SPECC1: variants seen among roughly 807,000 people sequenced by gnomAD.
The protein encoded by SPECC1 is sperm antigen with calponin homology and coiled-coil domains 1.
SPECC1 carries 62 observed loss-of-function variants against 104.1 expected under a neutral mutation model. The observed-to-expected ratio is 0.60, with a 90% CI of 0.49 to 0.74. SPECC1 has a LOEUF of 0.74. Ranked by LOEUF, SPECC1 falls within the 30% of genes least tolerant of loss-of-function variation. The probability of loss-of-function intolerance (pLI) is 0.00; values close to 1 mark genes in which losing one functional copy is unlikely to be tolerated. For synonymous variants in SPECC1, 513 were observed against 501.6 expected (o/e 1.02, Z -0.30); for missense variants, 1,306 against 1,310.5 (o/e 1.00, Z 0.05).
At chr17:20,217,714 C>T (rs766181071) in intron 4 of SPECC1, among the ~76,000 whole-genome samples, 4 of 152,226 alleles carry the variant, frequency 2.6e-5, no homozygotes, top group African/African-American at 4.8e-5. Context: ...TTTCAGACAT[C>T]AGCCTTCCAG....
At chr17:20,111,756 A>G in intron 3 of SPECC1, 2 of 727,358 alleles carry the variant, frequency 2.7e-6, no homozygotes, top group Admixed American at 1.8e-5. Context: ...GCGGAAGGAG[A>G]AAAAGGTGGG....
chr17:20,112,505 G>A, intron 3 of SPECC1: 1 of 769,288 alleles, frequency 1.3e-6, no homozygotes, highest in South Asian at 1.4e-5. Context: ...CAGTGGTGCT[G>A]ATCTTTCTCA....
chr17:20,236,858 A>G, intron 7 of SPECC1: 1 of 1,613,850 alleles, frequency 6.2e-7, no homozygotes, highest in Non-Finnish European at 8.5e-7. Flanking sequence ...CTATTTTCAC[A>G]GCTCCCTGGG....
At chr17:20,182,040 C>T (rs2151233244) in intron 3 of SPECC1, among the ~76,000 whole-genome samples, 1 of 151,996 alleles carries the variant, frequency 6.6e-6, no homozygotes, top group Admixed American at 6.6e-5. Context: ...TTAAACTTGG[C>T]ATGTTCTTAA....
intron 1 of SPECC1, among the ~76,000 whole-genome samples, chr17:20,035,099 A>G (rs891573531): frequency 6.6e-6 from 1 of 152,084 alleles, no homozygotes; most frequent in African/African-American, 2.4e-5. Context: ...ATTTGGGCAT[A>G]TTTGTGTGTG....
intron 13 of SPECC1, among the ~76,000 whole-genome samples, chr17:20,298,984 G>GTGTGGGGGT (rs1395919924): frequency 1.3e-5 from 1 of 76,830 alleles, no homozygotes; most frequent in Non-Finnish European, 2.5e-5. Flanking sequence ...TGTAGAGAGA[G>GTGTGGGGGT]AGAGAGAGAG....
chr17:20,300,742 T>C (rs903395454), intron 13 of SPECC1, among the ~76,000 whole-genome samples: 3 of 152,234 alleles, frequency 2.0e-5, no homozygotes, highest in African/African-American at 7.2e-5. Flanking sequence ...GGGGGCAGGC[T>C]GAGGCCATGG....
intron 3 of SPECC1, among the ~76,000 whole-genome samples, chr17:20,130,363 C>T (rs777398870): frequency 5.9e-5 from 9 of 152,044 alleles, no homozygotes; most frequent in African/African-American, 1.4e-4. Context: ...GGCAAGATCC[C>T]GTCTCTACAA....
chr17:20,210,618 G>C (rs2037076867), intron 4 of SPECC1, among the ~76,000 whole-genome samples: 1 of 152,206 alleles, frequency 6.6e-6, no homozygotes, highest in Admixed American at 6.5e-5. Flanking sequence ...ACAAAATTGG[G>C]ATTCTGTTAG....
Position 20,197,779 on chromosome 17 carries a change from T to C in SPECC1, c.284-6554T>C, listed in dbSNP as rs140909503. Among the ~76,000 whole-genome samples, 239 of 152,312 alleles carry C rather than the reference T, an allele frequency of 1.6e-3. 2 individuals carry two copies. Among genetic ancestry groups the C allele is most frequent in the African/African-American group, 5.4e-3 (224 of 41,566 alleles). On this transcript the variant is annotated intron_variant, in intron 3 of 14. Transcript: ENST00000395527. ...TAGCTTGCTGGCTTATCTTGAAAAGTGGGCCTGCAGGTATTCTAAGCCCGT... is the reference window on the plus strand; with the variant it reads ...TAGCTTGCTGGCTTATCTTGAAAAGCGGGCCTGCAGGTATTCTAAGCCCGT...
intron 11 of SPECC1, among the ~76,000 whole-genome samples, chr17:20,259,759 C>G (rs2526468): frequency 0.76 from 115,857 of 152,102 alleles, 45,354 homozygotes; most frequent in East Asian, 0.99. Context: ...AGATCTTCTT[C>G]CCTTGGCTCG....
chr17:20,107,030 G>A (rs1038089276), intron 2 of SPECC1, among the ~76,000 whole-genome samples: 3 of 150,554 alleles, frequency 2.0e-5, no homozygotes, highest in East Asian at 2.0e-4. Flanking sequence ...GGAGGCACAC[G>A]CCTGTAGCCC....
At chr17:20,309,089 A>G (rs1180400997) in intron 14 of SPECC1, among the ~76,000 whole-genome samples, 2 of 152,224 alleles carry the variant, frequency 1.3e-5, no homozygotes, top group African/African-American at 2.4e-5. Flanking sequence ...GCTGACACAC[A>G]TGATAATTAA....
intron 3 of SPECC1, among the ~76,000 whole-genome samples, chr17:20,194,073 G>T (rs2035845914): frequency 6.6e-6 from 1 of 152,134 alleles, no homozygotes; most frequent in East Asian, 1.9e-4. Context: ...AGACTGATTT[G>T]TTTTATTATA....
intron 1 of SPECC1, among the ~76,000 whole-genome samples, chr17:20,072,051 G>C (rs914586421): frequency 2.0e-5 from 3 of 152,148 alleles, no homozygotes; most frequent in Non-Finnish European, 4.4e-5. Context: ...ACGGCCAATG[G>C]GTTGGACAGT....
chr17:20,187,044 T>A (rs935469443), intron 3 of SPECC1, among the ~76,000 whole-genome samples: 27 of 132,666 alleles, frequency 2.0e-4, no homozygotes, highest in Non-Finnish European at 4.3e-4. Context: ...GAACTTTGGA[T>A]TTTTTTTTTG....
chr17:20,227,213 G>T (rs75241062), intron 4 of SPECC1, among the ~76,000 whole-genome samples, 200 bp from the exon 5 acceptor site: 1 of 152,196 alleles, frequency 6.6e-6, no homozygotes, highest in Non-Finnish European at 1.5e-5. Flanking sequence ...TGCCAAGGGC[G>T]TCTTTGCTAC....
chr17:20,215,268 C>G (rs563822122), intron 4 of SPECC1, among the ~76,000 whole-genome samples: 1 of 152,202 alleles, frequency 6.6e-6, no homozygotes, highest in Non-Finnish European at 1.5e-5. Flanking sequence ...GAGGAGGTTG[C>G]GACTCTGAAG....
intron 2 of SPECC1, among the ~76,000 whole-genome samples, chr17:20,103,741 T>C (rs919966811): frequency 1.3e-5 from 2 of 152,064 alleles, no homozygotes; most frequent in African/African-American, 4.8e-5. Context: ...CCCCAGGACG[T>C]CCGCATCCCC....
Sources: allele counts gnomAD v4.1 joint callset (sites outside exome capture counted in the v4.1 genomes callset), GRCh38; gene constraint gnomAD v4.1.1; transcripts MANE v1.5; gene names NCBI Gene and HGNC (gene_info 2026-07-23, HGNC 2026-07-21).